SHLD1: variants seen among roughly 807,000 people sequenced by gnomAD.
SHLD1 encodes the protein RINN1-REV7-interacting novel NHEJ regulator 3.
A neutral mutation model predicts 5.5 loss-of-function variants in SHLD1; 3 were observed. The ratio of observed to expected loss-of-function variants is 0.54; its 90% confidence interval spans 0.25 to 1.40. The LOEUF (loss-of-function observed/expected upper bound fraction) is 1.40. Ranked by LOEUF, SHLD1 falls within the 40% of genes most tolerant of loss-of-function variation. The pLI is 0.15. For synonymous variants in SHLD1, 92 were observed against 94.3 expected (o/e 0.98, Z 0.14); for missense variants, 210 against 244.4 (o/e 0.86, Z 0.94).
intron 2 of SHLD1, among the ~76,000 whole-genome samples, chr20:5,826,940 C>G (rs554726573): frequency 1.3e-5 from 2 of 151,964 alleles, no homozygotes; most frequent in South Asian, 2.1e-4. Context: ...CTACCATCCC[C>G]CAGTCCCCTC....
At chr20:5,786,676 T>C (rs6053690) in intron 2 of SHLD1, among the ~76,000 whole-genome samples, 134,544 of 152,236 alleles carry the variant, frequency 0.88, 59,625 homozygotes, top group East Asian at 1. Context: ...TCCCATGCCC[T>C]GAAGGAAGGA....
chr20:5,806,339 C>T lies in SHLD1; in HGVS notation c.178+33296C>T, dbSNP rs1218681903. 1.3e-5 allele frequency among the ~76,000 whole-genome samples: 2 copies of T among 152,224 alleles called. No individual in the cohort carries two copies. Among genetic ancestry groups the T allele is most frequent in the African/African-American group, 4.8e-5 (2 of 41,460 alleles). ...CAGTATATGGATTTGTGGATCGTGT[C>T]TTCTTCCTTCCATTTGAAAACTAGA... On this transcript the variant is annotated intron_variant, in intron 2 of 2. Coordinates refer to ENST00000303142, the MANE Select transcript of SHLD1 (RefSeq NM_152504.4). The surrounding 1 kb of genome is among the most constrained non-coding windows in gnomAD (Gnocchi z 7.6).
At chr20:5,833,337 C>T (rs1311453032) in intron 2 of SHLD1, among the ~76,000 whole-genome samples, 2 of 152,268 alleles carry the variant, frequency 1.3e-5, no homozygotes, top group Non-Finnish European at 1.5e-5. Flanking sequence ...GTTTGGTGTA[C>T]AGATTATTTC....
At position 5,834,756 on chromosome 20, in the gene SHLD1, G is replaced by T. The variant is rs577499220; in HGVS notation, c.179-28268G>T. On this transcript the variant is annotated intron_variant, in intron 2 of 2. Transcript: ENST00000303142. The stretch of plus-strand genomic sequence containing the variant: ...TAGATTATGTGGCTTATAAGCAATA[G>T]AATATTATTTCTTACAGTTCTAGAG... Among the ~76,000 whole-genome samples, 8 of 152,308 alleles carry T rather than the reference G, an allele frequency of 5.3e-5. No homozygotes were observed. The South Asian group carries it at 1.7e-3, about 32-fold the overall frequency.
intron 2 of SHLD1, among the ~76,000 whole-genome samples, chr20:5,832,491 C>T (rs1808186238): frequency 6.6e-6 from 1 of 151,928 alleles, no homozygotes; most frequent in South Asian, 2.1e-4. Flanking sequence ...TTTTTAGAGA[C>T]AGGATCTTGC....
intron 2 of SHLD1, among the ~76,000 whole-genome samples, chr20:5,841,224 A>C (rs920713446): frequency 1.3e-5 from 2 of 150,802 alleles, no homozygotes; most frequent in Non-Finnish European, 3.0e-5. Context: ...TGTATACATA[A>C]ATATTTTTTT....
chr20:5,775,868 A>G (rs7273149), intron 2 of SHLD1, among the ~76,000 whole-genome samples: 12,231 of 148,876 alleles, frequency 0.082, 1,694 homozygotes, highest in African/African-American at 0.29. Flanking sequence ...AGGAGATCCA[A>G]TTCCTCATCA....
At chr20:5,807,662 C>T (rs531996370) in intron 2 of SHLD1, among the ~76,000 whole-genome samples, 6 of 152,276 alleles carry the variant, frequency 3.9e-5, no homozygotes, top group African/African-American at 1.4e-4. Context: ...TGTGGAATCT[C>T]CCAGTTTGGC....
intron 2 of SHLD1, among the ~76,000 whole-genome samples, chr20:5,781,284 G>A (rs563771864): frequency 6.6e-6 from 1 of 152,242 alleles, no homozygotes; most frequent in African/African-American, 2.4e-5. Context: ...TATAATCCCA[G>A]CACTTTGGGA....
chr20:5,807,785 T>C (rs531734970), intron 2 of SHLD1, among the ~76,000 whole-genome samples: 2 of 152,314 alleles, frequency 1.3e-5, no homozygotes, highest in South Asian at 4.1e-4. Context: ...AGAAGTGATT[T>C]CAAGCAATGA....
At chr20:5,759,756 G>A (rs1984352938) in intron 1 of SHLD1, among the ~76,000 whole-genome samples, 1 of 151,962 alleles carries the variant, frequency 6.6e-6, no homozygotes, top group South Asian at 2.1e-4. Context: ...ACCCAGGCTG[G>A]TCTCAAATTA....
chr20:5,815,569 A>G (rs868655610), intron 2 of SHLD1, among the ~76,000 whole-genome samples: 4 of 152,278 alleles, frequency 2.6e-5, no homozygotes, highest in Middle Eastern at 3.4e-3. Flanking sequence ...TAAAATGATT[A>G]TTTTTAAAAA....
intron 1 of SHLD1, among the ~76,000 whole-genome samples, chr20:5,767,060 G>T (rs1306853853): frequency 1.3e-5 from 2 of 152,122 alleles, no homozygotes; most frequent in Non-Finnish European, 2.9e-5. Context: ...AAAAAACCCA[G>T]TCACCGAAAC....
intron 2 of SHLD1, among the ~76,000 whole-genome samples, chr20:5,801,520 C>T (rs773525413): frequency 2.0e-5 from 3 of 152,296 alleles, no homozygotes; most frequent in Non-Finnish European, 2.9e-5. Context: ...GGACTACTTA[C>T]GTGGCCCCAG....
intron 1 of SHLD1, among the ~76,000 whole-genome samples, chr20:5,750,890 A>G (rs1983711005): frequency 6.6e-6 from 1 of 152,116 alleles, no homozygotes. Flanking sequence ...CCAGCTGCTC[A>G]GGAGACTGAG....
chr20:5,862,750 T>C (rs1382624535), intron 2 of SHLD1, among the ~76,000 whole-genome samples: 1 of 152,214 alleles, frequency 6.6e-6, no homozygotes, highest in Non-Finnish European at 1.5e-5. Context: ...GTATATTTTT[T>C]ACATCCAAGT....
In SHLD1 at chr20:5,780,330, C is replaced by T. The variant is rs1013388838; in HGVS notation, c.178+7287C>T. Among the ~76,000 whole-genome samples, 5 of 152,102 alleles carry T rather than the reference C, an allele frequency of 3.3e-5. No homozygotes were observed. The South Asian group carries it at 8.3e-4, about 25-fold the overall frequency. Reference sequence around the variant, plus strand: ...TGTTATCAAATTCTTCAGTCAAAATCCAGACACAGAGTTGGCAAGGGGTTG... The same window carrying T: ...TGTTATCAAATTCTTCAGTCAAAATTCAGACACAGAGTTGGCAAGGGGTTG... On this transcript the variant is annotated intron_variant, in intron 2 of 2. Transcript: ENST00000303142.
intron 2 of SHLD1, among the ~76,000 whole-genome samples, chr20:5,808,770 T>C (rs552737512): frequency 1.3e-5 from 2 of 152,356 alleles, no homozygotes; most frequent in African/African-American, 4.8e-5. Flanking sequence ...GTATTTTGAA[T>C]ATTAGTGATT....
At chr20:5,853,695 G>A (rs935610209) in intron 2 of SHLD1, among the ~76,000 whole-genome samples, 10 of 152,218 alleles carry the variant, frequency 6.6e-5, no homozygotes, top group African/African-American at 2.4e-4. Context: ...CTACTAACCT[G>A]CCCATTAGTG....
Sources: allele counts gnomAD v4.1 joint callset (sites outside exome capture counted in the v4.1 genomes callset), GRCh38; gene constraint gnomAD v4.1.1; non-coding constraint Gnocchi (gnomAD v3.1); transcripts MANE v1.5; gene names NCBI Gene and HGNC (gene_info 2026-07-23, HGNC 2026-07-21).